Variants in NARS2 observed in about 807,000 individuals in gnomAD.
NARS2 encodes asparaginyl-tRNA synthetase 2, mitochondrial.
In NARS2, 60 loss-of-function variants were observed where a neutral mutation model predicts 62.9. The ratio of observed to expected loss-of-function variants is 0.95; its 90% CI spans 0.77 to 1.18. The LOEUF is 1.18. Ranked by LOEUF, NARS2 falls within the 50% of genes most tolerant of loss-of-function variation. The pLI is 0.00. For synonymous variants in NARS2, 196 were observed against 200.0 expected, an observed-to-expected ratio of 0.98 and a Z score of 0.17; for missense variants, 619 against 576.4, an observed-to-expected ratio of 1.07 and a Z score of -0.76.
intron 5 of NARS2, among the ~76,000 whole-genome samples, chr11:78,550,674 A>G (rs1364970335): frequency 6.6e-6 from 1 of 152,218 alleles, no homozygotes; most frequent in African/African-American, 2.4e-5. Context: ...ACTCCGAAAA[A>G]TAGCTTGGCA....
chr11:78,473,826 G>A (rs151022185), intron 9 of NARS2, among the ~76,000 whole-genome samples: 2 of 152,312 alleles, frequency 1.3e-5, no homozygotes, highest in Non-Finnish European at 2.9e-5. Context: ...TGTAGTCCTT[G>A]ACCAGTTCTA....
chr11:78,558,918 A>C (rs1009726761), intron 5 of NARS2, among the ~76,000 whole-genome samples: 1 of 152,168 alleles, frequency 6.6e-6, no homozygotes, highest in Non-Finnish European at 1.5e-5. Flanking sequence ...AATCTGCGTA[A>C]GAGAGAGCTT....
At chr11:78,550,948 A>G (rs1169694762) in intron 5 of NARS2, among the ~76,000 whole-genome samples, 2 of 152,208 alleles carry the variant, frequency 1.3e-5, no homozygotes, top group Admixed American at 6.5e-5. Flanking sequence ...ACAATACTTT[A>G]TAAGTGAAAG....
intron 5 of NARS2, among the ~76,000 whole-genome samples, chr11:78,551,375 G>A (rs114968751): frequency 0.011 from 1,604 of 152,224 alleles, 30 homozygotes; most frequent in African/African-American, 0.035. Flanking sequence ...AATGGTAAGC[G>A]TGTGTGTATG....
At chr11:78,554,690 C>T (rs1172788871) in intron 5 of NARS2, among the ~76,000 whole-genome samples, 1 of 152,196 alleles carries the variant, frequency 6.6e-6, no homozygotes, top group African/African-American at 2.4e-5. Context: ...ATGGCATTCT[C>T]TAGATATAGA....
chr11:78,478,993 G>C (rs73504965), intron 7 of NARS2, among the ~76,000 whole-genome samples: 3,934 of 152,182 alleles, frequency 0.026, 154 homozygotes, highest in African/African-American at 0.09. Context: ...TAAACTCACT[G>C]GTAGAATCAG....
At chr11:78,469,195 C>T in intron 10 of NARS2, 52 bp downstream of exon 10, 2 of 1,238,016 alleles carry the variant, frequency 1.6e-6, no homozygotes, top group South Asian at 2.5e-5. Flanking sequence ...AAGCTAAAGA[C>T]AAGAAGGAAG....
chr11:78,475,483 C>T (rs988344642), intron 9 of NARS2, among the ~76,000 whole-genome samples: 1 of 151,330 alleles, frequency 6.6e-6, no homozygotes. Context: ...ACCTCCCATA[C>T]TATCCTCCAT....
At chr11:78,437,270 TC>T (rs1484451677) in intron 13 of NARS2, among the ~76,000 whole-genome samples, 1 of 152,152 alleles carries the variant, frequency 6.6e-6, no homozygotes, top group African/African-American at 2.4e-5. Flanking sequence ...TGAAAAGATA[TC>T]CTATAGATTA....
At chr11:78,534,052 C>G (rs114157105) in intron 5 of NARS2, among the ~76,000 whole-genome samples, 1,640 of 152,158 alleles carry the variant, frequency 0.011, 34 homozygotes, top group African/African-American at 0.039. Flanking sequence ...CTCCATTTAC[C>G]TAATAAAAGG....
At chr11:78,481,208 GAA>G (rs1165324327) in intron 7 of NARS2, among the ~76,000 whole-genome samples, 1 of 152,112 alleles carries the variant, frequency 6.6e-6, no homozygotes, top group Non-Finnish European at 1.5e-5. Flanking sequence ...TGGAGGAAAA[GAA>G]AGGAAAATAA....
At chr11:78,462,874 C>T (rs759074465) in intron 11 of NARS2, among the ~76,000 whole-genome samples, 4 of 152,142 alleles carry the variant, frequency 2.6e-5, no homozygotes, top group Admixed American at 1.3e-4. Flanking sequence ...CCCTAATCTA[C>T]ATTTTTGTAT....
intron 7 of NARS2, among the ~76,000 whole-genome samples, chr11:78,490,022 G>C (rs1043378956): frequency 1.3e-5 from 2 of 152,136 alleles, no homozygotes; most frequent in African/African-American, 4.8e-5. Context: ...CTAGGTGACA[G>C]AGTGAGACCC....
chr11:78,458,823 T>C (rs1231691196), intron 11 of NARS2, among the ~76,000 whole-genome samples: 1 of 152,166 alleles, frequency 6.6e-6, no homozygotes, highest in African/African-American at 2.4e-5. Flanking sequence ...TAATTCCCAC[T>C]TGTTGTGGGA....
At chr11:78,464,928 G>C (rs1858553263) in intron 11 of NARS2, among the ~76,000 whole-genome samples, 1 of 152,248 alleles carries the variant, frequency 6.6e-6, no homozygotes, top group African/African-American at 2.4e-5. Flanking sequence ...CCCACACTGG[G>C]GCTGCAGGTG....
intron 11 of NARS2, among the ~76,000 whole-genome samples, chr11:78,454,956 A>G (rs1227412980): frequency 6.6e-6 from 1 of 152,152 alleles, no homozygotes; most frequent in Non-Finnish European, 1.5e-5. Context: ...GAGCAACTCT[A>G]TTTCAGTAAA....
chr11:78,562,481 C>T (rs1458365900), intron 4 of NARS2, among the ~76,000 whole-genome samples: 3 of 152,108 alleles, frequency 2.0e-5, no homozygotes, highest in South Asian at 2.1e-4. Flanking sequence ...GCTTTGAAAA[C>T]GCTGCCATAC....
At chr11:78,525,646 C>T (rs1279323625) in intron 6 of NARS2, among the ~76,000 whole-genome samples, 2 of 152,056 alleles carry the variant, frequency 1.3e-5, no homozygotes, top group Non-Finnish European at 2.9e-5. Flanking sequence ...CTCCCTCCTG[C>T]GGGTAGTTCT....
chr11:78,444,697 C>T lies in NARS2; in HGVS notation c.1165-939G>A, dbSNP rs145539211. 3.0e-3 allele frequency among the ~76,000 whole-genome samples: 388 copies of T among 131,346 alleles called. 3 individuals are homozygous for T. In the East Asian group the frequency reaches 0.067, roughly 23 times the overall value. The allele number at this position is 131,346 out of a possible 152,430, so 86.2% of individuals were successfully genotyped here. ...TTGCACCACTGCATTCTAGCCTGGG[C>T]GACAGAGCAAGACTCTGTCTCAAAC... On this transcript the variant is annotated intron_variant, in intron 11 of 13. Coordinates refer to ENST00000281038, the MANE Select transcript of NARS2 (RefSeq NM_024678.6).
Sources: allele counts gnomAD v4.1 joint callset (sites outside exome capture counted in the v4.1 genomes callset), GRCh38; gene constraint gnomAD v4.1.1; transcripts MANE v1.5; gene names NCBI Gene and HGNC (gene_info 2026-07-23, HGNC 2026-07-21).